Variants in TUBA4B observed in about 807,000 individuals in gnomAD.
The protein encoded by TUBA4B is tubulin alpha 4b.
TUBA4B carries 13 observed loss-of-function variants against 18.4 expected under a neutral mutation model. The ratio of observed to expected loss-of-function variants is 0.71; its 90% CI spans 0.46 to 1.12. TUBA4B has a LOEUF of 1.12. TUBA4B is among the 50% of genes most tolerant of loss of function. The probability of loss-of-function intolerance (pLI) is 0.00; values close to 1 mark genes in which losing one functional copy is unlikely to be tolerated. For missense variants in TUBA4B, 244 were observed against 250.0 expected (o/e 0.98, Z 0.16); for synonymous variants, 101 against 99.1 (o/e 1.02, Z -0.11).
intron 2 of TUBA4B, among the ~76,000 whole-genome samples, chr2:219,266,789 A>G (rs1951792934): frequency 6.6e-6 from 1 of 151,456 alleles, no homozygotes; most frequent in African/African-American, 2.4e-5. Context: ...AATGGTAACC[A>G]GGTTGTGGGG....
At chr2:219,270,102 G>A (rs560893375) in intron 2 of TUBA4B, 100 bp from the exon 3 acceptor site, 15 of 646,126 alleles carry the variant, frequency 2.3e-5, no homozygotes, top group African/African-American at 1.4e-4. Context: ...CCTGGGACCC[G>A]GTGACCCCAC....
chr2:219,266,571 G>A lies in TUBA4B; in HGVS notation c.58+5G>A, dbSNP rs1412163451. ...AGCCCCTGTCCAGGCAGCATGGTGA[G>A]TAGAAGGGGCCTTGGGGGGACTGAG... On this transcript the variant is annotated splice_donor_5th_base_variant and intron_variant, in intron 2 of 3. Transcript: ENST00000490341. The A allele has an allele frequency of 1.4e-6, 1 of 702,932 alleles. No individual in the cohort carries two copies. Among genetic ancestry groups the A allele is most frequent in the Non-Finnish European group, 2.6e-6 (1 of 384,998 alleles). 43.5% of individuals were successfully genotyped at this position (702,932 alleles called of 1,614,324 possible). A position where few individuals can be genotyped will look rare whatever the true frequency, so the allele number is the denominator to read the frequency against.
At chr2:219,270,147 T>C (rs1951816550) in intron 2 of TUBA4B, 55 bp from the exon 3 acceptor site, 2 of 690,958 alleles carry the variant, frequency 2.9e-6, no homozygotes, top group Admixed American at 2.0e-5. Flanking sequence ...AGCAGCTGGA[T>C]TGCAAAGGGA....
chr2:219,268,343 C>T (rs1327071945), intron 2 of TUBA4B, among the ~76,000 whole-genome samples: 2 of 152,060 alleles, frequency 1.3e-5, no homozygotes, highest in African/African-American at 4.8e-5. Flanking sequence ...GATCCACCTG[C>T]CTTGGCCTCC....
At chr2:219,257,641 CAAAAAAAAAAAAAAA>C (rs1158116997) in intron 1 of TUBA4B, among the ~76,000 whole-genome samples, 1 of 41,488 alleles carries the variant, frequency 2.4e-5, no homozygotes, top group East Asian at 1.2e-3. Context: ...GACACTGTCT[CAAAAAAAAAAAAAAA>C]AAAAAAAAAA....
chr2:219,270,940 C>A (rs548126212), intron 3 of TUBA4B, among the ~76,000 whole-genome samples: 1 of 151,426 alleles, frequency 6.6e-6, no homozygotes, highest in South Asian at 2.1e-4. Context: ...TTCCAGCATA[C>A]AACAGAGCTC....
chr2:219,268,386 C>T (rs975130933), intron 2 of TUBA4B, among the ~76,000 whole-genome samples: 10 of 152,150 alleles, frequency 6.6e-5, no homozygotes, highest in Admixed American at 3.9e-4. Context: ...TGAGCCACTG[C>T]GCCCAGCCTC....
At chr2:219,269,642 G>A (rs1289516815) in intron 2 of TUBA4B, among the ~76,000 whole-genome samples, 2 of 152,156 alleles carry the variant, frequency 1.3e-5, no homozygotes, top group Non-Finnish European at 2.9e-5. Flanking sequence ...GTGCATCTCA[G>A]TCCACGTGGG....
At chr2:219,264,459 CAA>C (rs36027298) in intron 1 of TUBA4B, among the ~76,000 whole-genome samples, 88 of 78,802 alleles carry the variant, frequency 1.1e-3, no homozygotes, top group Non-Finnish European at 1.0e-3. Flanking sequence ...GGCCCTGTCT[CAA>C]AAAAAAAAAA....
intron 1 of TUBA4B, among the ~76,000 whole-genome samples, chr2:219,262,343 AAAAC>A: frequency 6.6e-6 from 1 of 152,300 alleles, no homozygotes; most frequent in South Asian, 2.1e-4. Flanking sequence ...AAAACAAAAC[AAAAC>A]AAATATCACC....
chr2:219,261,384 C>G (rs1951758790), intron 1 of TUBA4B, among the ~76,000 whole-genome samples: 1 of 152,142 alleles, frequency 6.6e-6, no homozygotes, highest in Admixed American at 6.5e-5. Context: ...GCAGACTTCC[C>G]CCTTCTATCT....
At chr2:219,268,502 G>C (rs1951805654) in intron 2 of TUBA4B, among the ~76,000 whole-genome samples, 1 of 152,212 alleles carries the variant, frequency 6.6e-6, no homozygotes, top group Admixed American at 6.5e-5. Context: ...CAGTGGGCCA[G>C]GCACTTTGCA....
chr2:219,253,710 G>A (rs1951687479), intron 1 of TUBA4B: 1 of 1,005,568 alleles, frequency 9.9e-7, no homozygotes, highest in Non-Finnish European at 1.5e-6. Flanking sequence ...ACCAGGAGGG[G>A]GTTGGGGAGG....
At chr2:219,261,119 G>A (rs907926264) in intron 1 of TUBA4B, among the ~76,000 whole-genome samples, 1 of 151,986 alleles carries the variant, frequency 6.6e-6, no homozygotes, top group Non-Finnish European at 1.5e-5. Context: ...AACAATGAGG[G>A]CATGTATTAT....
chr2:219,266,819 C>T (rs1197267376), intron 2 of TUBA4B, among the ~76,000 whole-genome samples: 1 of 151,884 alleles, frequency 6.6e-6, no homozygotes, highest in African/African-American at 2.4e-5. Flanking sequence ...GGCTGAGAAG[C>T]AGGGCTGCTG....
chr2:219,271,564 C>A lies in TUBA4B; in HGVS notation c.591C>A (p.Asn197Lys). ...TGGACCTGACAGAGTTCCAGACCAA[C>A]CTGGTGTCCTACCTCACATCCACTT... The part of the protein sequence containing the change: ...LNVDLTEFQT[N>K]LVSYLTSTSP... The change falls in exon 4 of 4, where the codon AAC becomes AAA. Residue 197 changes from asparagine to lysine, a missense_variant. Asn to Lys is a moderately conservative substitution (Grantham distance 94). Coordinates refer to ENST00000490341, the MANE Select transcript of TUBA4B (RefSeq NM_001355221.1). 6.2e-7 allele frequency: 1 copy of A among 1,614,212 alleles called. No individual in the cohort carries two copies. Among genetic ancestry groups the A allele is most frequent in the Non-Finnish European group, 8.5e-7 (1 of 1,180,040 alleles).
chr2:219,268,527 T>G (rs1951805782), intron 2 of TUBA4B, among the ~76,000 whole-genome samples: 1 of 152,226 alleles, frequency 6.6e-6, no homozygotes, highest in African/African-American at 2.4e-5. Flanking sequence ...TTCTTTCATT[T>G]AATTCTCATA....
chr2:219,253,923 G>C (rs1050726042), intron 1 of TUBA4B: 2 of 1,317,956 alleles, frequency 1.5e-6, no homozygotes, highest in Non-Finnish European at 9.8e-7. Flanking sequence ...AACTGCGCTA[G>C]CTGCAGTGCC....
intron 1 of TUBA4B, chr2:219,253,959 G>C (rs1003587852): frequency 8.7e-7 from 1 of 1,147,326 alleles, no homozygotes; most frequent in Non-Finnish European, 1.1e-6. Flanking sequence ...GCGGGGGGGG[G>C]GCGGGGCCCG....
Sources: allele counts gnomAD v4.1 joint callset (sites outside exome capture counted in the v4.1 genomes callset), GRCh38; gene constraint gnomAD v4.1.1; transcripts MANE v1.5; gene names NCBI Gene and HGNC (gene_info 2026-07-23, HGNC 2026-07-21).